Variants in NOL10 observed in about 807,000 individuals in gnomAD.
NOL10 encodes the protein nucleolar protein 10.
NOL10 carries 58 observed loss-of-function variants against 103.5 expected under a neutral mutation model. The ratio of observed to expected loss-of-function variants is 0.56; its 90% CI spans 0.45 to 0.70. The LOEUF (loss-of-function observed/expected upper bound fraction) is 0.70, where lower values mean the gene tolerates loss of function less well. NOL10 is among the 30% of genes least tolerant of loss of function. The probability of loss-of-function intolerance (pLI) is 0.00; values close to 1 mark genes in which losing one functional copy is unlikely to be tolerated. For synonymous variants in NOL10, 287 were observed against 282.5 expected (o/e 1.02, Z -0.16); for missense variants, 763 against 807.3 (o/e 0.95, Z 0.67).
intron 13 of NOL10, among the ~76,000 whole-genome samples, chr2:10,633,163 G>T (rs1323318528): frequency 6.6e-6 from 1 of 152,170 alleles, no homozygotes; most frequent in East Asian, 1.9e-4. Context: ...AGTTGTCCTT[G>T]GCTCGCGGGG....
chr2:10,674,227 A>C (rs1487638995), intron 4 of NOL10, among the ~76,000 whole-genome samples: 1 of 151,898 alleles, frequency 6.6e-6, no homozygotes, highest in Non-Finnish European at 1.5e-5. Flanking sequence ...CTAAAAAGTA[A>C]AAATAAAAAA....
At chr2:10,587,158 C>CACACATATAT (rs1675118924) in intron 19 of NOL10, among the ~76,000 whole-genome samples, 1 of 33,206 alleles carries the variant, frequency 3.0e-5, no homozygotes, top group Admixed American at 4.1e-4. Flanking sequence ...TACATATATA[C>CACACATATAT]ACATATATAC....
At chr2:10,630,128 G>A (rs1051820143) in intron 13 of NOL10, among the ~76,000 whole-genome samples, 17 of 152,178 alleles carry the variant, frequency 1.1e-4, no homozygotes, top group Admixed American at 3.3e-4. Context: ...TGCCACCCAC[G>A]GACCCCGTGA....
chr2:10,621,548 C>T (rs888251817), intron 13 of NOL10, among the ~76,000 whole-genome samples: 1 of 152,110 alleles, frequency 6.6e-6, no homozygotes, highest in African/African-American at 2.4e-5. Context: ...GAGCTGTGAT[C>T]AGGACACTGC....
rs146886657 is a variant in NOL10, at chr2:10,589,443, C to T, written c.1596+135G>A. 147 of 1,228,300 alleles carry T rather than the reference C, an allele frequency of 1.2e-4. 1 individual carries two copies. In the East Asian group the frequency reaches 2.8e-3, roughly 23 times the overall value. 76.1% of individuals were successfully genotyped at this position (1,228,300 alleles called of 1,614,324 possible). A position where few individuals can be genotyped will look rare whatever the true frequency, so the allele number is the denominator to read the frequency against. On this transcript the variant is annotated intron_variant, in intron 18 of 20. Coordinates refer to ENST00000381685, the MANE Select transcript of NOL10 (RefSeq NM_024894.4). ...ATGCCTTTAAATAAATAAGATAATA[C>T]TCCTAAGCCCAATGTCAAACACTTA...
At chr2:10,683,334 A>G (rs1681914207) in intron 2 of NOL10, among the ~76,000 whole-genome samples, 1 of 152,242 alleles carries the variant, frequency 6.6e-6, no homozygotes, top group South Asian at 2.1e-4. Context: ...CCGTAAATTT[A>G]AAAGAACCAA....
chr2:10,580,214 C>T (rs1261663521), intron 19 of NOL10, among the ~76,000 whole-genome samples: 1 of 152,220 alleles, frequency 6.6e-6, no homozygotes, highest in Non-Finnish European at 1.5e-5. Flanking sequence ...GTAGACACTG[C>T]TGTAGGAACA....
intron 13 of NOL10, among the ~76,000 whole-genome samples, chr2:10,618,733 C>T (rs6714413): frequency 0.58 from 87,519 of 151,958 alleles, 26,335 homozygotes; most frequent in African/African-American, 0.74. Context: ...CACCTACTAC[C>T]CCAATAAACA....
chr2:10,646,581 C>A (rs1169150014), intron 12 of NOL10, among the ~76,000 whole-genome samples: 1 of 152,188 alleles, frequency 6.6e-6, no homozygotes, highest in East Asian at 1.9e-4. Context: ...GTATGAGCAG[C>A]TTCTAACAGG....
At chr2:10,575,114 G>GGGA (rs1444049209) in intron 20 of NOL10, among the ~76,000 whole-genome samples, 2 of 152,218 alleles carry the variant, frequency 1.3e-5, no homozygotes, top group Non-Finnish European at 2.9e-5. Flanking sequence ...CTGTCACAGA[G>GGGA]GGAGGAGGAG....
In NOL10 at chr2:10,663,185, G is replaced by A. The variant is rs1572401527; in HGVS notation, c.592-141C>T. On this transcript the variant is annotated intron_variant, in intron 8 of 20. Transcript: ENST00000381685. Reference sequence around the variant, plus strand: ...AGTTTGAGACTAGTCTGACTAACATGGCGAAACTCTGTTTCTACTAAAAAT... The same window carrying A: ...AGTTTGAGACTAGTCTGACTAACATAGCGAAACTCTGTTTCTACTAAAAAT... The A allele has an allele frequency of 5.5e-5, 33 of 597,414 alleles. No homozygotes were observed. The East Asian group carries it at 9.4e-4, about 17-fold the overall frequency. The allele number at this position is 597,414 out of a possible 1,614,324, so 37.0% of individuals were successfully genotyped here.
At chr2:10,677,936 T>C (rs924048617) in intron 3 of NOL10, among the ~76,000 whole-genome samples, 43 of 144,854 alleles carry the variant, frequency 3.0e-4, no homozygotes, top group African/African-American at 1.0e-3. Flanking sequence ...GACAGATACA[T>C]ATATATACAC....
At chr2:10,607,521 A>C (rs1004796074) in intron 13 of NOL10, among the ~76,000 whole-genome samples, 2 of 152,180 alleles carry the variant, frequency 1.3e-5, no homozygotes, top group African/African-American at 4.8e-5. Context: ...AAGAGAAAAC[A>C]ACCTCACTTA....
At chr2:10,578,087 A>G (rs916558257) in intron 19 of NOL10, among the ~76,000 whole-genome samples, 4 of 152,242 alleles carry the variant, frequency 2.6e-5, no homozygotes, top group African/African-American at 9.6e-5. Context: ...GTAATTGATC[A>G]TAATGGTCAA....
At chr2:10,685,838 G>A (rs1682158631) in intron 1 of NOL10, among the ~76,000 whole-genome samples, 1 of 151,774 alleles carries the variant, frequency 6.6e-6, no homozygotes, top group Non-Finnish European at 1.5e-5. Context: ...CTGAGGCAAG[G>A]GGATCACTTG....
intron 17 of NOL10, 23 bp from the exon 18 acceptor site, chr2:10,589,774 A>T: frequency 7.1e-7 from 1 of 1,401,538 alleles, no homozygotes. Context: ...AAAAGTACGT[A>T]AAAATTTAAG....
chr2:10,655,918 T>C (rs1465925612), intron 11 of NOL10, among the ~76,000 whole-genome samples: 3 of 152,146 alleles, frequency 2.0e-5, no homozygotes, highest in South Asian at 2.1e-4. Flanking sequence ...TTCACACAGC[T>C]ACCTGCTGTT....
At chr2:10,630,333 A>G (rs1191492571) in intron 13 of NOL10, among the ~76,000 whole-genome samples, 1 of 152,216 alleles carries the variant, frequency 6.6e-6, no homozygotes, top group South Asian at 2.1e-4. Flanking sequence ...AACCAATTCC[A>G]AAGTCTAAGT....
intron 3 of NOL10, among the ~76,000 whole-genome samples, chr2:10,678,542 C>T (rs967306473): frequency 1.3e-5 from 2 of 151,988 alleles, no homozygotes; most frequent in African/African-American, 4.8e-5. Context: ...ATCATAAACC[C>T]AATGCTTCCA....
Sources: gnomAD v4.1 joint callset for allele counts (sites outside exome capture counted in the v4.1 genomes callset) on GRCh38, gnomAD v4.1.1 for gene constraint, MANE v1.5 for transcripts, NCBI Gene and HGNC (gene_info 2026-07-23, HGNC 2026-07-21) for gene names.